TRAK1: variants seen among roughly 807,000 people sequenced by gnomAD.
TRAK1 encodes the protein trafficking kinesin protein 1.
In TRAK1, 33 loss-of-function variants were observed where a neutral mutation model predicts 92.1. That is an observed-to-expected ratio of 0.36 (90% CI 0.27 to 0.48). The LOEUF (loss-of-function observed/expected upper bound fraction) is 0.48. Among genes scored for constraint, TRAK1 ranks in the 20% least tolerant of loss-of-function variants. TRAK1 has a pLI of 0.99. For synonymous variants in TRAK1, 521 were observed against 517.3 expected, an observed-to-expected ratio of 1.01 and a Z score of -0.10; for missense variants, 1,123 against 1,257.9, an observed-to-expected ratio of 0.89 and a Z score of 1.62.
At chr3:42,166,905 G>A (rs556097394) in intron 2 of TRAK1, among the ~76,000 whole-genome samples, 3 of 152,318 alleles carry the variant, frequency 2.0e-5, no homozygotes, top group Admixed American at 6.5e-5. Context: ...ACCATTGTTC[G>A]TACGGCTCTG....
chr3:42,050,702 G>A (rs1255029122), intron 1 of TRAK1, among the ~76,000 whole-genome samples: 1 of 151,970 alleles, frequency 6.6e-6, no homozygotes, highest in Non-Finnish European at 1.5e-5. Flanking sequence ...CTATTGCCCA[G>A]GTTGGAGTAC....
chr3:42,131,442 C>T (rs970980103), intron 2 of TRAK1, among the ~76,000 whole-genome samples: 6 of 152,142 alleles, frequency 3.9e-5, no homozygotes, highest in African/African-American at 1.4e-4. Context: ...GTCTGCCAGG[C>T]GCTGTGGCTC....
chr3:42,125,889 T>A (rs775804835), intron 2 of TRAK1, among the ~76,000 whole-genome samples: 3 of 152,184 alleles, frequency 2.0e-5, no homozygotes, highest in Non-Finnish European at 4.4e-5. Flanking sequence ...CTAGCTCTCT[T>A]GCCCAGGCTG....
At chr3:42,221,975 T>C (rs1710403901) in intron 15 of TRAK1, 1 of 151,534 alleles carries the variant, frequency 6.6e-6, no homozygotes, top group South Asian at 2.1e-4. Flanking sequence ...ACTGAATTAT[T>C]AGGTTGGTGC....
intron 14 of TRAK1, among the ~76,000 whole-genome samples, chr3:42,215,502 GT>G (rs1709580713): frequency 7.6e-3 from 54 of 7,116 alleles, no homozygotes; most frequent in African/African-American, 0.02. Context: ...CACTGTTGGG[GT>G]GTGTGTGTGT....
chr3:42,070,254 T>A (rs1325916649), intron 1 of TRAK1, among the ~76,000 whole-genome samples: 1 of 146,100 alleles, frequency 6.8e-6, no homozygotes, highest in South Asian at 2.1e-4. Context: ...TAATAATTAT[T>A]ATAATTATAA....
intron 4 of TRAK1, 164 bp downstream of exon 4, chr3:42,184,965 G>A: frequency 1.7e-6 from 1 of 599,814 alleles, no homozygotes; most frequent in Non-Finnish European, 2.9e-6. Context: ...CGTTCACCTG[G>A]GGACTAAAAG....
At chr3:42,049,948 T>G (rs921523746) in intron 1 of TRAK1, among the ~76,000 whole-genome samples, 6 of 152,318 alleles carry the variant, frequency 3.9e-5, no homozygotes, top group Admixed American at 3.9e-4. Flanking sequence ...AGGTGTCTAG[T>G]GGTCTTTGGT....
intron 3 of TRAK1, among the ~76,000 whole-genome samples, chr3:42,182,261 C>A (rs1379877883): frequency 6.6e-6 from 1 of 151,468 alleles, no homozygotes; most frequent in South Asian, 2.1e-4. Flanking sequence ...TGGGGAGGCA[C>A]AAATTGTGGG....
chr3:42,142,059 G>C (rs915940302), intron 2 of TRAK1, among the ~76,000 whole-genome samples: 1 of 152,196 alleles, frequency 6.6e-6, no homozygotes, highest in Non-Finnish European at 1.5e-5. Flanking sequence ...TTGAACCTGG[G>C]AAGTGGAGGT....
chr3:42,057,317 C>G lies in TRAK1; in HGVS notation c.-518-29787C>G, dbSNP rs568205174. On this transcript the variant is annotated intron_variant, in intron 1 of 16. Transcript: ENST00000487159. ...TCCACAAAGACTGACAGTAGGTTCA[C>G]GGTCCTGCTTCTTGAATGAAGGAAG... 2.3e-3 allele frequency among the ~76,000 whole-genome samples: 354 copies of G among 152,248 alleles called. 4 individuals carry two copies. Among genetic ancestry groups the G allele is most frequent in the Non-Finnish European group, 3.2e-3 (218 of 68,022 alleles).
intron 1 of TRAK1, among the ~76,000 whole-genome samples, chr3:42,078,636 C>G (rs1704269851): frequency 6.6e-6 from 1 of 151,730 alleles, no homozygotes; most frequent in African/African-American, 2.4e-5. Context: ...GCCTGTAGTC[C>G]CAGCTACTCG....
At chr3:42,166,311 A>G (rs148781873) in intron 2 of TRAK1, among the ~76,000 whole-genome samples, 132 of 152,208 alleles carry the variant, frequency 8.7e-4, no homozygotes, top group African/African-American at 2.4e-3. Context: ...TGACATACAG[A>G]CAACTCTTAA....
At chr3:42,013,570 G>A (rs1386973468), upstream of TRAK1, among the ~76,000 whole-genome samples, 1 of 150,642 alleles carries the variant, frequency 6.6e-6, no homozygotes, top group African/African-American at 2.4e-5. The surrounding 1 kb of genome is among the most constrained non-coding windows in gnomAD (Gnocchi z 5.1). Flanking sequence ...GGCGGCGGGC[G>A]GGGCTGGGAA....
chr3:42,141,450 T>TAG (rs1321654296), intron 2 of TRAK1, among the ~76,000 whole-genome samples: 1 of 152,198 alleles, frequency 6.6e-6, no homozygotes, highest in Non-Finnish European at 1.5e-5. Flanking sequence ...GTAATCTTAA[T>TAG]AGATATTAAA....
intron 1 of TRAK1, among the ~76,000 whole-genome samples, chr3:42,119,683 G>A (rs530602852): frequency 1.3e-5 from 2 of 152,300 alleles, no homozygotes; most frequent in East Asian, 1.9e-4. Flanking sequence ...CTGGACAGAC[G>A]GAAAGGGCAT....
At chr3:42,158,787 C>CA (rs149521969) in intron 2 of TRAK1, among the ~76,000 whole-genome samples, 7,512 of 69,562 alleles carry the variant, frequency 0.11, 239 homozygotes, top group Middle Eastern at 0.16. Flanking sequence ...ACAAAAAATA[C>CA]AAAAAAAAAA....
At chr3:42,098,549 C>T (rs1706274866) in intron 1 of TRAK1, among the ~76,000 whole-genome samples, 3 of 152,188 alleles carry the variant, frequency 2.0e-5, no homozygotes, top group Non-Finnish European at 2.9e-5. Flanking sequence ...TGGAGGGAAC[C>T]TGACCTGCGG....
chr3:42,068,005 C>T (rs187187067), intron 1 of TRAK1, among the ~76,000 whole-genome samples: 158 of 152,116 alleles, frequency 1.0e-3, no homozygotes, highest in Admixed American at 4.3e-3. Flanking sequence ...AACTCCGTCT[C>T]TACAGAAGTA....
Sources: allele counts gnomAD v4.1 joint callset (sites outside exome capture counted in the v4.1 genomes callset), GRCh38; gene constraint gnomAD v4.1.1; non-coding constraint Gnocchi (gnomAD v3.1); transcripts MANE v1.5; gene names NCBI Gene and HGNC (gene_info 2026-07-23, HGNC 2026-07-21).